NALCN: variants seen among roughly 807,000 people sequenced by gnomAD.
NALCN encodes sodium leak channel NALCN.
A neutral mutation model predicts 225.3 loss-of-function variants in NALCN; 111 were observed. The ratio of observed to expected loss-of-function variants is 0.49; its 90% CI spans 0.42 to 0.58. The LOEUF is 0.58. Among genes scored for constraint, NALCN ranks in the 20% least tolerant of loss-of-function variants. The probability of loss-of-function intolerance (pLI) is 0.00; values close to 1 mark genes in which losing one functional copy is unlikely to be tolerated. For synonymous variants in NALCN, 764 were observed against 769.0 expected (o/e 0.99, Z 0.11); for missense variants, 1,378 against 2,202.4 (o/e 0.63, Z 7.49).
chr13:101,091,044 C>G (rs1282959340), intron 28 of NALCN, among the ~76,000 whole-genome samples: 1 of 152,102 alleles, frequency 6.6e-6, no homozygotes, highest in Non-Finnish European at 1.5e-5. Flanking sequence ...TAGATTGCAT[C>G]TTCTTTAATT....
At chr13:101,107,419 C>T (rs1357368693) in intron 22 of NALCN, 68 bp downstream of exon 22, 4 of 1,605,858 alleles carry the variant, frequency 2.5e-6, no homozygotes, top group Non-Finnish European at 3.4e-6. Flanking sequence ...CCTTCTTCTT[C>T]ATATGACAAC....
intron 13 of NALCN, among the ~76,000 whole-genome samples, chr13:101,227,771 A>G (rs1467836288): frequency 1.3e-5 from 2 of 152,162 alleles, no homozygotes; most frequent in African/African-American, 2.4e-5. Flanking sequence ...CATGACAGAT[A>G]CGATCACACT....
At chr13:101,157,813 C>T (rs552743845) in intron 15 of NALCN, among the ~76,000 whole-genome samples, 4 of 148,998 alleles carry the variant, frequency 2.7e-5, no homozygotes, top group Non-Finnish European at 4.4e-5. Context: ...AGTGCAATGG[C>T]GTGATCTCAG....
chr13:101,213,584 C>A (rs987627636), intron 13 of NALCN, among the ~76,000 whole-genome samples: 10 of 151,690 alleles, frequency 6.6e-5, no homozygotes, highest in Middle Eastern at 3.2e-3. Flanking sequence ...CTACAAAGAA[C>A]TTAAATTTAC....
At chr13:101,272,345 GGA>G (rs2140256416) in intron 10 of NALCN, among the ~76,000 whole-genome samples, 1 of 152,274 alleles carries the variant, frequency 6.6e-6, no homozygotes, top group South Asian at 2.1e-4. Context: ...CTGCCTAAGG[GGA>G]GAGTAAGAAT....
chr13:101,135,407 T>A (rs1214518401), intron 17 of NALCN, among the ~76,000 whole-genome samples: 1 of 152,206 alleles, frequency 6.6e-6, no homozygotes, highest in Non-Finnish European at 1.5e-5. Context: ...CCAAAATTTT[T>A]TTTTGTTTTG....
intron 6 of NALCN, among the ~76,000 whole-genome samples, chr13:101,364,642 A>G (rs1436145443): frequency 6.6e-6 from 1 of 152,142 alleles, no homozygotes; most frequent in Non-Finnish European, 1.5e-5. Flanking sequence ...ACAGTCAGAT[A>G]AAATAAATAA....
intron 14 of NALCN, among the ~76,000 whole-genome samples, chr13:101,187,067 T>G (rs1019802729): frequency 6.6e-6 from 1 of 152,176 alleles, no homozygotes; most frequent in African/African-American, 2.4e-5. Context: ...CCTTATCCAC[T>G]GTCTCACTTT....
At chr13:101,301,918 T>C (rs1430983611) in intron 7 of NALCN, among the ~76,000 whole-genome samples, 1 of 152,112 alleles carries the variant, frequency 6.6e-6, no homozygotes, top group Non-Finnish European at 1.5e-5. Context: ...ACTAAGGCGC[T>C]AAAGAAATGT....
intron 15 of NALCN, among the ~76,000 whole-genome samples, chr13:101,174,143 G>A (rs186334664): frequency 3.3e-5 from 5 of 152,250 alleles, no homozygotes; most frequent in Admixed American, 2.0e-4. Context: ...CAGGTTCAAC[G>A]AGTTTCAAGT....
At chr13:101,363,683 G>C (rs1236081375) in intron 6 of NALCN, among the ~76,000 whole-genome samples, 1 of 151,904 alleles carries the variant, frequency 6.6e-6, no homozygotes, top group African/African-American at 2.4e-5. Context: ...CAAATTTTTG[G>C]GGGGACAAAA....
intron 13 of NALCN, among the ~76,000 whole-genome samples, chr13:101,214,753 C>A (rs988111519): frequency 2.0e-5 from 3 of 152,046 alleles, no homozygotes; most frequent in Admixed American, 2.0e-4. Context: ...AGTCATGAAC[C>A]TTTGAAAGGA....
chr13:101,292,186 C>T lies in NALCN; in HGVS notation c.942+38G>A. 1.2e-6 allele frequency: 2 copies of T among 1,613,166 alleles called. No homozygotes were observed. Among genetic ancestry groups the T allele is most frequent in the Non-Finnish European group, 1.7e-6 (2 of 1,179,484 alleles). ...AAACAAAAGATCTGCAGAACTATCA[C>T]AGAACATAGACTTTCTTAGTACAAT... On this transcript the variant is annotated intron_variant, in intron 8 of 43. Coordinates refer to ENST00000251127, the MANE Select transcript of NALCN (RefSeq NM_052867.4). This position sits in a 1 kb window ranked among gnomAD's most constrained non-coding sequence, Gnocchi z 4.3.
rs2041274164 is a variant in NALCN, at chr13:101,229,708, ATATC to A, written c.1435-128_1435-125del. On this transcript the variant is annotated intron_variant, in intron 12 of 43. Coordinates refer to ENST00000251127, the MANE Select transcript of NALCN (RefSeq NM_052867.4). ...ATGAAAATCATACCTCTCTATTTGA[ATATC>A]TAGTGACTAAAATTAACAATAGAAT... 2.9e-5 allele frequency: 22 copies of A among 769,700 alleles called. No homozygotes were observed. The East Asian group carries it at 6.8e-4, about 24-fold the overall frequency. 47.7% of individuals were successfully genotyped at this position (769,700 alleles called of 1,614,324 possible).
intron 18 of NALCN, among the ~76,000 whole-genome samples, chr13:101,121,399 T>A (rs1382438471): frequency 6.6e-6 from 1 of 152,200 alleles, no homozygotes; most frequent in African/African-American, 2.4e-5. Context: ...CTTCCTATTC[T>A]TATATCACTC....
At chr13:101,168,330 A>G (rs1415925283) in intron 15 of NALCN, among the ~76,000 whole-genome samples, 1 of 152,018 alleles carries the variant, frequency 6.6e-6, no homozygotes, top group Non-Finnish European at 1.5e-5. Context: ...TAAGCTTTAA[A>G]CTTTGTATCT....
chr13:101,210,870 A>T (rs1480519431), intron 13 of NALCN, among the ~76,000 whole-genome samples: 1 of 152,132 alleles, frequency 6.6e-6, no homozygotes, highest in African/African-American at 2.4e-5. Flanking sequence ...GTTATGTATT[A>T]TTATCCTGTT....
intron 10 of NALCN, among the ~76,000 whole-genome samples, chr13:101,271,954 G>A (rs111172510): frequency 6.6e-6 from 1 of 151,666 alleles, no homozygotes; most frequent in Admixed American, 6.6e-5. Context: ...GTGTGCATGA[G>A]CATGTGCGTG....
chr13:101,279,205 C>G (rs999406456), intron 10 of NALCN, among the ~76,000 whole-genome samples: 5 of 152,046 alleles, frequency 3.3e-5, no homozygotes, highest in African/African-American at 1.2e-4. Flanking sequence ...AACAGAGGTA[C>G]CTGGCTTATT....
Sources: allele counts gnomAD v4.1 joint callset (sites outside exome capture counted in the v4.1 genomes callset), GRCh38; gene constraint gnomAD v4.1.1; non-coding constraint Gnocchi (gnomAD v3.1); transcripts MANE v1.5; gene names NCBI Gene and HGNC (gene_info 2026-07-23, HGNC 2026-07-21).